EML6: variants seen among roughly 807,000 people sequenced by gnomAD.
The protein encoded by EML6 is echinoderm microtubule-associated protein-like 6.
A neutral mutation model predicts 240.1 loss-of-function variants in EML6; 154 were observed. The ratio of observed to expected loss-of-function variants is 0.64; its 90% CI spans 0.56 to 0.73. The LOEUF (loss-of-function observed/expected upper bound fraction) is 0.73. Ranked by LOEUF, EML6 falls within the 30% of genes least tolerant of loss-of-function variation. The probability of loss-of-function intolerance (pLI) is 0.00; values close to 1 mark genes in which losing one functional copy is unlikely to be tolerated. For missense variants in EML6, 2,964 were observed against 2,474.6 expected, an observed-to-expected ratio of 1.20 and a Z score of -4.20; for synonymous variants, 1,148 against 899.0, an observed-to-expected ratio of 1.28 and a Z score of -4.95.
At chr2:54,843,391 A>G (rs1669565781) in intron 7 of EML6, among the ~76,000 whole-genome samples, 1 of 152,090 alleles carries the variant, frequency 6.6e-6, no homozygotes, top group African/African-American at 2.4e-5. Context: ...GTGCTACCAC[A>G]CTCCAGCCTG....
intron 24 of EML6, among the ~76,000 whole-genome samples, chr2:54,910,062 G>A (rs1275232344): frequency 6.6e-6 from 1 of 151,974 alleles, no homozygotes; most frequent in African/African-American, 2.4e-5. Context: ...TTATTTATAG[G>A]TGAAATATTA....
intron 28 of EML6, among the ~76,000 whole-genome samples, chr2:54,931,013 A>G (rs1050413273): frequency 3.2e-4 from 42 of 130,118 alleles, no homozygotes; most frequent in South Asian, 1.8e-3. Context: ...GCTGGAGTGC[A>G]GTGGCGCGAT....
chr2:54,765,785 A>G lies in EML6; in HGVS notation c.197+40527A>G, dbSNP rs1345088992. Reference sequence around the variant, plus strand: ...TAGTCCCTATGGTACCATCTATACCATTATAAAATAGGTACTTAATAAATA... The same window carrying G: ...TAGTCCCTATGGTACCATCTATACCGTTATAAAATAGGTACTTAATAAATA... On this transcript the variant is annotated intron_variant, in intron 2 of 41. Coordinates refer to ENST00000356458, the MANE Select transcript of EML6 (RefSeq NM_001039753.4). Among the ~76,000 whole-genome samples the G allele has an allele frequency of 3.9e-5, 6 of 152,336 alleles. No homozygotes were observed. In the East Asian group the frequency reaches 1.2e-3, roughly 29 times the overall value.
chr2:54,969,952 A>C (rs1171825921), intron 41 of EML6, 119 bp from the exon 42 acceptor site: 1 of 1,059,112 alleles, frequency 9.4e-7, no homozygotes, highest in African/African-American at 1.6e-5. Flanking sequence ...TTTTGAAGTC[A>C]AAATGTTCAA....
In EML6 at chr2:54,903,201, A is replaced by G. The variant is rs148951737; in HGVS notation, c.3277+5A>G. ...CTGATATTAAGTTTTCAAAAGGTGA[A>G]GATGACAGCAGATACTTTTTAAAAT... On this transcript the variant is annotated splice_donor_5th_base_variant and intron_variant, in intron 23 of 41. Transcript: ENST00000356458. The G allele has an allele frequency of 2.3e-4, 350 of 1,551,110 alleles. No homozygotes were observed. The African/African-American group carries it at 2.9e-3, about 13-fold the overall frequency.
intron 2 of EML6, among the ~76,000 whole-genome samples, chr2:54,789,939 G>A (rs1669339560): frequency 6.6e-6 from 1 of 152,278 alleles, no homozygotes; most frequent in East Asian, 1.9e-4. Context: ...ACCCAAATGA[G>A]AATGAGCTTC....
rs75292380 is a variant in EML6 at position 54,899,854 on chromosome 2, G to A, written c.3124+72G>A. The stretch of plus-strand genomic sequence containing the variant: ...AGAATGTGTCATATTTATTCACTCA[G>A]TTAATATTTACTGAGGGCACGTGTT... On this transcript the variant is annotated intron_variant, in intron 22 of 41. Coordinates refer to ENST00000356458, the MANE Select transcript of EML6 (RefSeq NM_001039753.4). 7,725 of 1,428,420 alleles carry A rather than the reference G, an allele frequency of 5.4e-3. 362 individuals are homozygous for A. In the African/African-American group the frequency reaches 0.096, roughly 18 times the overall value. The allele number at this position is 1,428,420 out of a possible 1,614,324, so 88.5% of individuals were successfully genotyped here.
chr2:54,745,574 C>T (rs370654881), intron 2 of EML6, among the ~76,000 whole-genome samples: 10 of 152,106 alleles, frequency 6.6e-5, no homozygotes, highest in African/African-American at 9.6e-5. Context: ...CCCAAGAGTT[C>T]GAGATGAGCC....
intron 2 of EML6, among the ~76,000 whole-genome samples, chr2:54,793,785 G>T (rs1669602547): frequency 2.0e-5 from 3 of 152,162 alleles, no homozygotes. Context: ...AGCAGTGGCA[G>T]AACTTCCCCA....
At chr2:54,890,311 G>T (rs1388484992) in intron 17 of EML6, among the ~76,000 whole-genome samples, 4 of 152,162 alleles carry the variant, frequency 2.6e-5, no homozygotes, top group Admixed American at 6.5e-5. Flanking sequence ...AGGCAGATCG[G>T]TCAGTCATGT....
At chr2:54,896,602 G>A (rs1406005625) in intron 21 of EML6, among the ~76,000 whole-genome samples, 1 of 152,142 alleles carries the variant, frequency 6.6e-6, no homozygotes, top group African/African-American at 2.4e-5. Flanking sequence ...TGTGTGTTCA[G>A]AAGTTGGAGA....
At chr2:54,844,398 G>A (rs145125468) in intron 8 of EML6, 150 bp downstream of exon 8, 203 of 637,756 alleles carry the variant, frequency 3.2e-4, no homozygotes, top group Non-Finnish European at 4.8e-4. Context: ...GTGGGTTTTT[G>A]GCATTTTGCT....
intron 3 of EML6, among the ~76,000 whole-genome samples, chr2:54,815,080 C>A (rs111562609): frequency 6.6e-5 from 10 of 152,344 alleles, no homozygotes; most frequent in African/African-American, 2.4e-4. Context: ...AGCAAGCATT[C>A]TTTATCAATT....
chr2:54,863,909 T>A lies in EML6; in HGVS notation c.1932+20T>A. 1.5e-6 allele frequency: 2 copies of A among 1,374,498 alleles called. No homozygotes were observed. Among genetic ancestry groups the A allele is most frequent in the Non-Finnish European group, 2.0e-6 (2 of 992,810 alleles). The allele number at this position is 1,374,498 out of a possible 1,614,324, so 85.1% of individuals were successfully genotyped here. A position where few individuals can be genotyped will look rare whatever the true frequency, so the allele number is the denominator to read the frequency against. On this transcript the variant is annotated intron_variant, in intron 13 of 41. Coordinates refer to ENST00000356458, the MANE Select transcript of EML6 (RefSeq NM_001039753.4). Reference sequence around the variant, plus strand: ...CGCCAGGTCGGTAAGCAGGGAGCAATGAAAATTTGTAACCCCAGAAGGGGA... The same window carrying A: ...CGCCAGGTCGGTAAGCAGGGAGCAAAGAAAATTTGTAACCCCAGAAGGGGA...
At chr2:54,791,539 C>G (rs1421202337) in intron 2 of EML6, among the ~76,000 whole-genome samples, 1 of 152,216 alleles carries the variant, frequency 6.6e-6, no homozygotes, top group Admixed American at 6.5e-5. Flanking sequence ...GTCCCCACTT[C>G]TAGTTCCAGT....
chr2:54,911,432 ATT>A (rs35753222), intron 25 of EML6, among the ~76,000 whole-genome samples: 7 of 145,258 alleles, frequency 4.8e-5, no homozygotes, highest in Admixed American at 6.8e-5. Context: ...TAACAACAGA[ATT>A]TTTTTTTTTT....
In EML6 at chr2:54,725,133, C is replaced by T; in HGVS notation, c.72C>T (p.Cys24=). 6.5e-7 allele frequency: 1 copy of T among 1,540,270 alleles called. No homozygotes were observed. The highest frequency in any genetic ancestry group is 8.8e-7 in the Non-Finnish European group (1 of 1,141,768). The stretch of plus-strand genomic sequence containing the variant: ...TGTACGGGTACCGGGGTCACCAGTG[C>T]CGCAACAACCTGTACTACACGGCAG... ...EWVYGYRGHQ[C]RNNLYYTAGK... is the part of the protein sequence containing the mutation. Residue 24 remains cysteine, a synonymous_variant, in exon 2 of 42, where the codon TGC becomes TGT. Transcript: ENST00000356458. The surrounding 1 kb of genome is among the most constrained non-coding windows in gnomAD (Gnocchi z 4.3).
At chr2:54,856,076 G>T (rs752158598) in intron 11 of EML6, among the ~76,000 whole-genome samples, 3 of 152,212 alleles carry the variant, frequency 2.0e-5, no homozygotes, top group Non-Finnish European at 4.4e-5. Flanking sequence ...ATAACAATCA[G>T]TTGCACAGTA....
chr2:54,789,537 A>AAAAAAAAAAAAG (rs1669305607), intron 2 of EML6, among the ~76,000 whole-genome samples: 1 of 145,834 alleles, frequency 6.9e-6, no homozygotes, highest in African/African-American at 2.7e-5. Flanking sequence ...AAAAAAAAAA[A>AAAAAAAAAAAAG]AAAAAAAAAA....
Sources: allele counts gnomAD v4.1 joint callset (sites outside exome capture counted in the v4.1 genomes callset), GRCh38; gene constraint gnomAD v4.1.1; non-coding constraint Gnocchi (gnomAD v3.1); transcripts MANE v1.5; gene names NCBI Gene and HGNC (gene_info 2026-07-23, HGNC 2026-07-21).